Variants in ROBO1 observed in about 807,000 individuals in gnomAD.
The protein encoded by ROBO1 is roundabout homolog 1.
In ROBO1, 149 loss-of-function variants were observed where a neutral mutation model predicts 195.9. The ratio of observed to expected loss-of-function variants is 0.76; its 90% CI spans 0.67 to 0.87. The LOEUF (loss-of-function observed/expected upper bound fraction) is 0.87, where lower values mean the gene tolerates loss of function less well. Ranked by LOEUF, ROBO1 falls within the 40% of genes least tolerant of loss-of-function variation. The probability of loss-of-function intolerance (pLI) is 0.00; values close to 1 mark genes in which losing one functional copy is unlikely to be tolerated. For synonymous variants in ROBO1, 816 were observed against 733.2 expected (o/e 1.11, Z -1.82); for missense variants, 1,933 against 2,068.3 (o/e 0.93, Z 1.27).
chr3:79,654,803 G>T (rs1360432719), intron 1 of ROBO1, among the ~76,000 whole-genome samples: 2 of 151,560 alleles, frequency 1.3e-5, no homozygotes, highest in African/African-American at 4.8e-5. Flanking sequence ...TAAATCCTTT[G>T]CTTTCTTGGA....
At chr3:79,054,968 A>G (rs531239728) in intron 3 of ROBO1, among the ~76,000 whole-genome samples, 1 of 152,088 alleles carries the variant, frequency 6.6e-6, no homozygotes, top group African/African-American at 2.4e-5. Context: ...CTGTCTCAGT[A>G]CAATGCTTGT....
intron 1 of ROBO1, among the ~76,000 whole-genome samples, chr3:79,746,911 A>G (rs1451992342): frequency 6.6e-6 from 1 of 152,102 alleles, no homozygotes; most frequent in East Asian, 1.9e-4. Context: ...CTTTAATTCA[A>G]TATCATTTTC....
chr3:78,682,080 C>T (rs1031460744), intron 10 of ROBO1, among the ~76,000 whole-genome samples: 2 of 152,046 alleles, frequency 1.3e-5, no homozygotes, highest in African/African-American at 4.8e-5. Flanking sequence ...TCCTCCAGAA[C>T]TTCTTGAAAT....
intron 26 of ROBO1, among the ~76,000 whole-genome samples, chr3:78,623,658 C>G (rs1419485326): frequency 6.6e-6 from 1 of 152,098 alleles, no homozygotes; most frequent in East Asian, 1.9e-4. Flanking sequence ...GAAGGAGGAG[C>G]AAGGCTGAAG....
chr3:78,743,915 AGT>A (rs2082593596), intron 5 of ROBO1, among the ~76,000 whole-genome samples: 2 of 152,176 alleles, frequency 1.3e-5, no homozygotes, highest in Non-Finnish European at 2.9e-5. Context: ...TGGGAAGTAG[AGT>A]GTTTCATCCG....
intron 1 of ROBO1, among the ~76,000 whole-genome samples, chr3:79,601,167 C>T (rs1471906907): frequency 6.6e-6 from 1 of 151,812 alleles, no homozygotes; most frequent in Non-Finnish European, 1.5e-5. Context: ...GTTGACTGAA[C>T]CAAAAGGGTT....
chr3:78,908,705 T>C (rs1198764698), intron 4 of ROBO1, among the ~76,000 whole-genome samples: 2 of 151,862 alleles, frequency 1.3e-5, no homozygotes, highest in African/African-American at 2.4e-5. Flanking sequence ...TTAAAAAGTA[T>C]AGTAATACAG....
At chr3:79,576,953 C>T (rs917744612) in intron 2 of ROBO1, among the ~76,000 whole-genome samples, 1 of 152,154 alleles carries the variant, frequency 6.6e-6, no homozygotes, top group Non-Finnish European at 1.5e-5. Flanking sequence ...AACAATAACA[C>T]TTCTGAATTG....
intron 29 of ROBO1, 59 bp from the exon 30 acceptor site, chr3:78,600,368 T>G: frequency 9.3e-7 from 1 of 1,075,528 alleles, no homozygotes; most frequent in Non-Finnish European, 1.4e-6. Flanking sequence ...CACTGTATAT[T>G]GTATCACTCC....
chr3:79,491,278 T>C (rs867090198), intron 2 of ROBO1, among the ~76,000 whole-genome samples: 2 of 151,950 alleles, frequency 1.3e-5, no homozygotes, highest in South Asian at 2.1e-4. Flanking sequence ...AAGTAAGTGA[T>C]TAAATACTTG....
At chr3:78,951,032 A>G (rs1385297145) in intron 3 of ROBO1, among the ~76,000 whole-genome samples, 1 of 151,668 alleles carries the variant, frequency 6.6e-6, no homozygotes, top group Non-Finnish European at 1.5e-5. Context: ...AATAATATAT[A>G]TAAAACCTAT....
chr3:79,303,087 T>C (rs1214929095), intron 2 of ROBO1, among the ~76,000 whole-genome samples: 1 of 151,924 alleles, frequency 6.6e-6, no homozygotes, highest in African/African-American at 2.4e-5. Flanking sequence ...ATGTATAACA[T>C]AATGTTTTAA....
At chr3:79,034,775 G>C (rs2078354825) in intron 3 of ROBO1, among the ~76,000 whole-genome samples, 1 of 152,046 alleles carries the variant, frequency 6.6e-6, no homozygotes, top group African/African-American at 2.4e-5. Context: ...GAATACATAA[G>C]TTTATAGGTA....
At chr3:78,784,474 T>C (rs1472797009) in intron 4 of ROBO1, among the ~76,000 whole-genome samples, 1 of 152,128 alleles carries the variant, frequency 6.6e-6, no homozygotes, top group Non-Finnish European at 1.5e-5. Context: ...CTGTACAGCT[T>C]TAAAAAGTCC....
chr3:79,751,668 G>A (rs1704136003), intron 1 of ROBO1, among the ~76,000 whole-genome samples: 1 of 152,208 alleles, frequency 6.6e-6, no homozygotes, highest in Admixed American at 6.5e-5. Flanking sequence ...TTTAAGGATG[G>A]TTATCGTATT....
chr3:78,884,000 C>G (rs760571954), intron 4 of ROBO1, among the ~76,000 whole-genome samples: 1 of 151,926 alleles, frequency 6.6e-6, no homozygotes, highest in Non-Finnish European at 1.5e-5. Flanking sequence ...CCAGAGTGTG[C>G]CAGGTAGTTT....
chr3:78,775,993 T>C (rs1023692238), intron 4 of ROBO1, among the ~76,000 whole-genome samples: 1 of 152,234 alleles, frequency 6.6e-6, no homozygotes, highest in Admixed American at 6.5e-5. Flanking sequence ...GTTCTGTCCT[T>C]CTAAATATAA....
intron 8 of ROBO1, among the ~76,000 whole-genome samples, chr3:78,706,325 A>T (rs188549949): frequency 7.0e-4 from 106 of 152,216 alleles, no homozygotes; most frequent in African/African-American, 2.4e-3. Flanking sequence ...ACACAAAAGA[A>T]ATATAGGAAT....
chr3:79,580,852 TCTC>T (rs1174576991), intron 2 of ROBO1, among the ~76,000 whole-genome samples: 3 of 152,074 alleles, frequency 2.0e-5, no homozygotes, highest in Non-Finnish European at 4.4e-5. Context: ...TTCAACTTCT[TCTC>T]AAGTTTTTAT....
Sources: gnomAD v4.1 joint callset for allele counts (sites outside exome capture counted in the v4.1 genomes callset) on GRCh38, gnomAD v4.1.1 for gene constraint, MANE v1.5 for transcripts, NCBI Gene and HGNC (gene_info 2026-07-23, HGNC 2026-07-21) for gene names.